SSH1: variants seen among roughly 807,000 people sequenced by gnomAD.
SSH1 encodes slingshot protein phosphatase 1.
A neutral mutation model predicts 79.7 loss-of-function variants in SSH1; 43 were observed. The observed-to-expected ratio is 0.54, with a 90% CI of 0.42 to 0.70. The LOEUF is 0.70. Among genes scored for constraint, SSH1 ranks in the 30% least tolerant of loss-of-function variants. The probability of loss-of-function intolerance (pLI) is 0.00; values close to 1 mark genes in which losing one functional copy is unlikely to be tolerated. For missense variants in SSH1, 1,206 were observed against 1,358.8 expected, an observed-to-expected ratio of 0.89 and a Z score of 1.77; for synonymous variants, 599 against 538.3, an observed-to-expected ratio of 1.11 and a Z score of -1.56.
At chr12:108,814,818 G>A (rs555971135) in intron 5 of SSH1, among the ~76,000 whole-genome samples, 5 of 152,362 alleles carry the variant, frequency 3.3e-5, no homozygotes, top group Admixed American at 1.3e-4. Context: ...TCGGGGTGCC[G>A]AGGGGAGGCA....
intron 13 of SSH1, among the ~76,000 whole-genome samples, chr12:108,794,860 G>C (rs77931084): frequency 1.6e-4 from 25 of 152,030 alleles, no homozygotes; most frequent in Non-Finnish European, 3.4e-4. Context: ...CATAGATTGT[G>C]GGGGGTGGGT....
rs757931508 is a variant in SSH1 at position 108,788,278 on chromosome 12, G to A, written c.2860C>T (p.Arg954Trp). Reference protein sequence around the residue: ...VRGKPGLVKQRTQEIETRLRL... With the variant: ...VRGKPGLVKQWTQEIETRLRL... ...AGCCGGGTCTCAATCTCCTGTGTCC[G>A]CTGCTTCACCAGCCCGGGCTTCCCA... Residue 954 changes from arginine to tryptophan, a missense_variant, in exon 15 of 15, where the codon CGG becomes TGG. Transcript: ENST00000326495. 8 of 1,613,594 alleles carry A rather than the reference G, an allele frequency of 5.0e-6. No homozygotes were observed. The highest frequency in any genetic ancestry group is 2.2e-5 in the South Asian group (2 of 91,078).
chr12:108,787,748 T>A lies in SSH1; in HGVS notation c.*240A>T. On this transcript the variant is annotated 3_prime_UTR_variant, in exon 15 of 15. Coordinates refer to ENST00000326495, the MANE Select transcript of SSH1 (RefSeq NM_018984.4). ...TGAAGACACGGTGGGAGCGGAGTTTTGTGTCTCCTGGCCGGCGGCTCCTGG... is the reference window on the plus strand; with the variant it reads ...TGAAGACACGGTGGGAGCGGAGTTTAGTGTCTCCTGGCCGGCGGCTCCTGG... 1.8e-6 allele frequency: 1 copy of A among 570,906 alleles called. No homozygotes were observed. The highest frequency in any genetic ancestry group is 3.1e-6 in the Non-Finnish European group (1 of 321,526). 35.4% of individuals were successfully genotyped at this position (570,906 alleles called of 1,614,324 possible).
chr12:108,796,935 T>C (rs2036777665), intron 13 of SSH1, among the ~76,000 whole-genome samples: 1 of 151,702 alleles, frequency 6.6e-6, no homozygotes, highest in Non-Finnish European at 1.5e-5. Context: ...AGAGATGGGG[T>C]TTCTCCATGT....
chr12:108,789,314 G>A (rs1389764296), intron 14 of SSH1, 70 bp from the exon 15 acceptor site: 2 of 1,516,538 alleles, frequency 1.3e-6, no homozygotes, highest in Non-Finnish European at 1.8e-6. Context: ...ACATGAGGGT[G>A]GGCAGGGAAA....
intron 14 of SSH1, among the ~76,000 whole-genome samples, chr12:108,791,716 G>A (rs1219872302): frequency 1.3e-5 from 2 of 152,186 alleles, no homozygotes; most frequent in Non-Finnish European, 2.9e-5. Flanking sequence ...CCGTGATCAT[G>A]CCACTGTACT....
chr12:108,782,102 C>T lies in SSH1; in HGVS notation c.*5886G>A, dbSNP rs1300749533. The T allele has an allele frequency of 7.0e-6, 1 of 142,186 alleles. No homozygotes were observed. The highest frequency in any genetic ancestry group is 2.1e-4 in the East Asian group (1 of 4,872). The allele number at this position is 142,186 out of a possible 1,614,324, so 8.8% of individuals were successfully genotyped here. A position where few individuals can be genotyped will look rare whatever the true frequency, so the allele number is the denominator to read the frequency against. On this transcript the variant is annotated 3_prime_UTR_variant, in exon 15 of 15. Coordinates refer to ENST00000326495, the MANE Select transcript of SSH1 (RefSeq NM_018984.4). ...GAGCTATGATGGCACCACTGAACTC[C>T]AGCCTGAGCAAGAGAGCCAGACCCA...
intron 11 of SSH1, 130 bp downstream of exon 11, chr12:108,802,192 G>A: frequency 1.3e-6 from 1 of 762,862 alleles, no homozygotes; most frequent in East Asian, 2.6e-5. Context: ...ATCAACCCCT[G>A]GCAGCCACTT....
chr12:108,847,045 C>A (rs756388103), intron 2 of SSH1, among the ~76,000 whole-genome samples: 13 of 152,114 alleles, frequency 8.5e-5, no homozygotes, highest in Non-Finnish European at 1.3e-4. Context: ...TACAGGCGTG[C>A]GCCACCATGC....
chr12:108,846,410 G>A (rs1362760207), intron 2 of SSH1, among the ~76,000 whole-genome samples: 1 of 152,200 alleles, frequency 6.6e-6, no homozygotes, highest in Admixed American at 6.5e-5. Context: ...CCAGCTCCCG[G>A]GATGGCAAGG....
intron 5 of SSH1, among the ~76,000 whole-genome samples, chr12:108,814,999 G>A (rs973923848): frequency 2.2e-4 from 33 of 152,350 alleles, no homozygotes; most frequent in African/African-American, 7.5e-4. Context: ...TGTCTGCCGT[G>A]CTCCCTGATG....
At chr12:108,790,731 TTAATAA>T (rs368838720) in intron 14 of SSH1, among the ~76,000 whole-genome samples, 7 of 152,290 alleles carry the variant, frequency 4.6e-5, no homozygotes, top group African/African-American at 1.4e-4. Flanking sequence ...TAACATGCTG[TTAATAA>T]TAATAAACTG....
chr12:108,812,299 A>G (rs2037651545), intron 5 of SSH1, among the ~76,000 whole-genome samples: 1 of 152,260 alleles, frequency 6.6e-6, no homozygotes, highest in African/African-American at 2.4e-5. Flanking sequence ...ACAGAGCTCT[A>G]GGGACCACGT....
intron 2 of SSH1, among the ~76,000 whole-genome samples, chr12:108,839,456 G>A (rs1361093067): frequency 6.6e-6 from 1 of 152,174 alleles, no homozygotes; most frequent in Non-Finnish European, 1.5e-5. Flanking sequence ...CAGCCAGCCT[G>A]GCTCTTTCCA....
chr12:108,808,844 T>TG (rs1267772905), intron 7 of SSH1, among the ~76,000 whole-genome samples: 415 of 143,924 alleles, frequency 2.9e-3, no homozygotes, highest in African/African-American at 0.01. Context: ...TTTTTTTTTT[T>TG]TTTGTTTGAG....
At chr12:108,844,434 G>A (rs924060599) in intron 2 of SSH1, among the ~76,000 whole-genome samples, 3 of 152,210 alleles carry the variant, frequency 2.0e-5, no homozygotes, top group South Asian at 2.1e-4. Flanking sequence ...TGCAAGGCTC[G>A]CTCCCCGTGT....
intron 2 of SSH1, among the ~76,000 whole-genome samples, chr12:108,827,003 TA>T (rs34956372): frequency 0.34 from 47,461 of 140,524 alleles, 7,581 homozygotes; most frequent in South Asian, 0.46. Flanking sequence ...TGATGAGGGA[TA>T]AAAAAAAAAA....
Position 108,792,463 on chromosome 12 carries a change from T to C in SSH1, c.1716A>G (p.Leu572=). ...TCCGACCTTTGGGACTCCCAAACTC[T>C]AGTTTCTTCTTCACATCCTTCTCAC... ...GLCEKDVKKK[L]EFGSPKGRSG... is the part of the protein sequence containing the mutation. The change falls in exon 14 of 15, where the codon CTA becomes CTG. Residue 572 remains leucine, a synonymous_variant. Coordinates refer to ENST00000326495, the MANE Select transcript of SSH1 (RefSeq NM_018984.4). 5 of 1,614,214 alleles carry C rather than the reference T, an allele frequency of 3.1e-6. No homozygotes were observed. The highest frequency in any genetic ancestry group is 3.4e-6 in the Non-Finnish European group (4 of 1,180,018).
At chr12:108,804,053 G>A (rs977490912) in intron 10 of SSH1, among the ~76,000 whole-genome samples, 10 of 151,892 alleles carry the variant, frequency 6.6e-5, no homozygotes, top group African/African-American at 2.4e-4. Flanking sequence ...AACTGTACTC[G>A]GTGCTTTAAA....
Sources: allele counts gnomAD v4.1 joint callset (sites outside exome capture counted in the v4.1 genomes callset), GRCh38; gene constraint gnomAD v4.1.1; transcripts MANE v1.5; gene names NCBI Gene and HGNC (gene_info 2026-07-23, HGNC 2026-07-21).